Variants in ZBTB16 observed in about 807,000 individuals in gnomAD.
ZBTB16 encodes the protein zinc finger and BTB domain containing 16.
ZBTB16 carries 8 observed loss-of-function variants against 56.8 expected under a neutral mutation model. The observed-to-expected ratio is 0.14, with a 90% CI of 0.08 to 0.25. ZBTB16 has a LOEUF of 0.25. Among genes scored for constraint, ZBTB16 ranks in the 10% least tolerant of loss-of-function variants. ZBTB16 has a pLI of 1.00. For synonymous variants in ZBTB16, 363 were observed against 368.5 expected (o/e 0.98, Z 0.17); for missense variants, 625 against 903.0 (o/e 0.69, Z 3.95).
intron 2 of ZBTB16, among the ~76,000 whole-genome samples, chr11:114,152,453 AATG>A (rs1373217488): frequency 6.6e-6 from 1 of 152,218 alleles, no homozygotes; most frequent in African/African-American, 2.4e-5. Flanking sequence ...AATTTCTCAT[AATG>A]ATTCAGCTTT....
At chr11:114,246,291 G>A (rs1292417991) in intron 5 of ZBTB16, among the ~76,000 whole-genome samples, 1 of 152,166 alleles carries the variant, frequency 6.6e-6, no homozygotes, top group Non-Finnish European at 1.5e-5. Flanking sequence ...TCAGCAAGCT[G>A]ACAAGTATAT....
At chr11:114,086,410 G>T (rs967853482) in intron 2 of ZBTB16, among the ~76,000 whole-genome samples, 1 of 151,972 alleles carries the variant, frequency 6.6e-6, no homozygotes, top group Admixed American at 6.6e-5. Context: ...GTGCTTGCTG[G>T]CTTCCTCTTC....
intron 2 of ZBTB16, among the ~76,000 whole-genome samples, chr11:114,076,229 G>A (rs937237792): frequency 6.6e-6 from 1 of 152,148 alleles, no homozygotes; most frequent in African/African-American, 2.4e-5. Context: ...TTATGGCATC[G>A]TTGACAGCAG....
intron 4 of ZBTB16, among the ~76,000 whole-genome samples, chr11:114,239,943 C>G (rs1236647586): frequency 2.0e-5 from 3 of 152,206 alleles, no homozygotes; most frequent in Admixed American, 6.5e-5. Flanking sequence ...TTTAATCTCT[C>G]TTTTACACTG....
At chr11:114,079,730 G>T (rs1939693333) in intron 2 of ZBTB16, among the ~76,000 whole-genome samples, 1 of 152,232 alleles carries the variant, frequency 6.6e-6, no homozygotes, top group South Asian at 2.1e-4. Context: ...GTCTGACTCG[G>T]AAGGCAGATT....
chr11:114,138,117 G>A (rs538814743), intron 2 of ZBTB16, among the ~76,000 whole-genome samples: 3 of 152,342 alleles, frequency 2.0e-5, no homozygotes, highest in South Asian at 2.1e-4. Flanking sequence ...AGAGAGGCAA[G>A]TGGTGAGGGA....
chr11:114,111,111 G>A (rs573700296), intron 2 of ZBTB16, among the ~76,000 whole-genome samples: 6 of 151,990 alleles, frequency 3.9e-5, no homozygotes, highest in South Asian at 4.2e-4. Context: ...TGTTTTTGCC[G>A]TTTCTTGGGG....
chr11:114,244,631 C>CT (rs569564660), intron 5 of ZBTB16, among the ~76,000 whole-genome samples: 33 of 148,446 alleles, frequency 2.2e-4, no homozygotes, highest in African/African-American at 3.5e-4. Context: ...CTTTTTCTTT[C>CT]TTTTTTTTTT....
At position 114,227,515 on chromosome 11, in the gene ZBTB16, G is replaced by A. The variant is rs79372271; in HGVS notation, c.1454-14652G>A. Among the ~76,000 whole-genome samples the A allele has an allele frequency of 6.0e-3, 913 of 152,332 alleles. 6 individuals are homozygous for A. Among genetic ancestry groups the A allele is most frequent in the African/African-American group, 0.02 (848 of 41,562 alleles). On this transcript the variant is annotated intron_variant, in intron 4 of 6. Transcript: ENST00000335953. ...TCCAATAAATATTCATTGAACACCT[G>A]TCAGAACCAAGAGATAGAGTGCTGT... is the stretch of plus-strand genomic sequence containing the variant.
chr11:114,188,348 G>C, intron 4 of ZBTB16: 1 of 152,254 alleles, frequency 6.6e-6, no homozygotes, highest in East Asian at 1.9e-4. Context: ...AGGCGTGGTA[G>C]AGTCTTATAG....
At chr11:114,128,259 C>G (rs1008860006) in intron 2 of ZBTB16, among the ~76,000 whole-genome samples, 3 of 152,178 alleles carry the variant, frequency 2.0e-5, no homozygotes, top group African/African-American at 7.2e-5. Context: ...TTTGGAAGGG[C>G]AGTGACCCTG....
At chr11:114,061,752 G>A (rs1938880197) in intron 1 of ZBTB16, among the ~76,000 whole-genome samples, 1 of 152,198 alleles carries the variant, frequency 6.6e-6, no homozygotes, top group Non-Finnish European at 1.5e-5. Flanking sequence ...GGCTCTGGGA[G>A]AGGCCTTTGT....
chr11:114,106,614 G>A (rs1385621408), intron 2 of ZBTB16, among the ~76,000 whole-genome samples: 1 of 151,814 alleles, frequency 6.6e-6, no homozygotes, highest in Non-Finnish European at 1.5e-5. Flanking sequence ...GGGACTATAG[G>A]CCTGCACCAC....
At chr11:114,079,718 G>A (rs568954523) in intron 2 of ZBTB16, among the ~76,000 whole-genome samples, 1 of 152,352 alleles carries the variant, frequency 6.6e-6, no homozygotes, top group African/African-American at 2.4e-5. Flanking sequence ...GTCGGCTGCT[G>A]TGTCTGACTC....
chr11:114,122,518 A>T (rs188189726), intron 2 of ZBTB16, among the ~76,000 whole-genome samples: 1 of 152,280 alleles, frequency 6.6e-6, no homozygotes, highest in East Asian at 1.9e-4. Flanking sequence ...AAACAAGAGG[A>T]TTTAATATCA....
At chr11:114,232,614 G>GGCTGGGCTAGGCTAGGCTTGCTCTGCAGA (rs59843352) in intron 4 of ZBTB16, among the ~76,000 whole-genome samples, 29,237 of 150,592 alleles carry the variant, frequency 0.19, 3,221 homozygotes, top group African/African-American at 0.3. Flanking sequence ...GGTTGGGTTG[G>GGCTGGGCTAGGCTAGGCTTGCTCTGCAGA]GCTGGGCTAG....
At chr11:114,237,612 T>C (rs1944618815) in intron 4 of ZBTB16, among the ~76,000 whole-genome samples, 1 of 152,232 alleles carries the variant, frequency 6.6e-6, no homozygotes, top group Non-Finnish European at 1.5e-5. Flanking sequence ...TTTATTTCCA[T>C]AGTCCCACAT....
intron 4 of ZBTB16, among the ~76,000 whole-genome samples, chr11:114,221,636 G>T (rs1944233751): frequency 6.6e-6 from 1 of 152,218 alleles, no homozygotes; most frequent in Admixed American, 6.5e-5. Flanking sequence ...GACTCAGGCT[G>T]CCAGAGTGGC....
intron 3 of ZBTB16, among the ~76,000 whole-genome samples, chr11:114,167,378 GTTTTTTTGTT>G (rs1942807831): frequency 1.2e-5 from 1 of 80,674 alleles, no homozygotes; most frequent in Non-Finnish European, 2.1e-5. Context: ...ACCAGGGCGA[GTTTTTTTGTT>G]TTTTTTTTTT....
Sources: gnomAD v4.1 joint callset for allele counts (sites outside exome capture counted in the v4.1 genomes callset) on GRCh38, gnomAD v4.1.1 for gene constraint, MANE v1.5 for transcripts, NCBI Gene and HGNC (gene_info 2026-07-23, HGNC 2026-07-21) for gene names.